Variants in WDR64 observed in about 807,000 individuals in gnomAD.
The protein encoded by WDR64 is WD repeat-containing protein 64.
In WDR64, 112 loss-of-function variants were observed where a neutral mutation model predicts 139.3. That is an observed-to-expected ratio of 0.80 (90% CI 0.69 to 0.94). WDR64 has a LOEUF of 0.94. WDR64 is among the 40% of genes least tolerant of loss of function. The probability of loss-of-function intolerance (pLI) is 0.00; values close to 1 mark genes in which losing one functional copy is unlikely to be tolerated. For missense variants in WDR64, 1,206 were observed against 1,293.1 expected (o/e 0.93, Z 1.03); for synonymous variants, 444 against 437.7 (o/e 1.01, Z -0.18).
In WDR64 at chr1:241,667,144, T is replaced by C. The variant is rs558576104; in HGVS notation, c.277-3930T>C. 2.0e-5 allele frequency among the ~76,000 whole-genome samples: 3 copies of C among 152,370 alleles called. No individual in the cohort carries two copies. In the East Asian group the frequency reaches 5.8e-4, roughly 29 times the overall value. On this transcript the variant is annotated intron_variant, in intron 2 of 27. Transcript: ENST00000437684. ...TAATTTCAAATTAGATGATAGCATGTATGGTGTGGAGTTCTCCCATCTCTG... is the reference window on the plus strand; with the variant it reads ...TAATTTCAAATTAGATGATAGCATGCATGGTGTGGAGTTCTCCCATCTCTG...
At position 241,678,183 on chromosome 1, in the gene WDR64, A is replaced by G. The variant is rs116079887; in HGVS notation, c.484-4A>G. 3.0e-3 allele frequency: 1,183 copies of G among 398,918 alleles called. 8 individuals are homozygous for G. Among genetic ancestry groups the G allele is most frequent in the African/African-American group, 0.022 (1,084 of 48,748 alleles). The allele number at this position is 398,918 out of a possible 1,614,324, so 24.7% of individuals were successfully genotyped here. A position where few individuals can be genotyped will look rare whatever the true frequency, so the allele number is the denominator to read the frequency against. ...GTTTCATTATTCTCTTCCTTTGTTCATAGATGAGAGTTCAGACCAGCACCA... is the reference window on the plus strand; with the variant it reads ...GTTTCATTATTCTCTTCCTTTGTTCGTAGATGAGAGTTCAGACCAGCACCA... On this transcript the variant is annotated splice_region_variant and splice_polypyrimidine_tract_variant and intron_variant, in intron 4 of 27. Coordinates refer to ENST00000437684, the MANE Select transcript of WDR64 (RefSeq NM_001367482.1).
Position 241,671,110 on chromosome 1 carries a change from G to T in WDR64, c.313G>T (p.Ala105Ser). The T allele has an allele frequency of 1.3e-6, 2 of 1,550,968 alleles. No homozygotes were observed. The highest frequency in any genetic ancestry group is 1.7e-6 in the Non-Finnish European group (2 of 1,146,756). ...GYFSSEEDPIASQLDEENLVF... is the reference protein window; with the variant it reads ...GYFSSEEDPISSQLDEENLVF... ...CTTCTCCTCTGAAGAAGATCCTATT[G>T]CTTCCCAGTTGGATGAAGAAAATTT... The change falls in exon 3 of 28, where the codon GCT becomes TCT. Residue 105 changes from alanine to serine, a missense_variant. Transcript: ENST00000437684.
chr1:241,778,127 A>G (rs536676516), intron 21 of WDR64, among the ~76,000 whole-genome samples: 1 of 152,194 alleles, frequency 6.6e-6, no homozygotes, highest in African/African-American at 2.4e-5. Flanking sequence ...CTATAACTAT[A>G]ATAATGGATT....
At chr1:241,725,638 C>T (rs538455865) in intron 10 of WDR64, among the ~76,000 whole-genome samples, 12 of 152,232 alleles carry the variant, frequency 7.9e-5, no homozygotes, top group Admixed American at 6.5e-5. Context: ...AAAATGCACC[C>T]GGCACCTGCC....
intron 8 of WDR64, among the ~76,000 whole-genome samples, chr1:241,711,334 G>A (rs921150171): frequency 1.3e-5 from 2 of 152,162 alleles, no homozygotes; most frequent in Non-Finnish European, 2.9e-5. Context: ...TACTGCAGTG[G>A]GAGTGGGAAG....
chr1:241,767,730 C>T (rs1417620016), intron 16 of WDR64, among the ~76,000 whole-genome samples: 3 of 152,096 alleles, frequency 2.0e-5, no homozygotes, highest in African/African-American at 4.8e-5. Flanking sequence ...TTCTTTTAGC[C>T]AGTTTTTGAA....
chr1:241,702,865 G>A (rs1157489332), intron 8 of WDR64, among the ~76,000 whole-genome samples: 2 of 152,148 alleles, frequency 1.3e-5, no homozygotes, highest in Non-Finnish European at 2.9e-5. Context: ...TGCTACAGTG[G>A]CAGAGTTGAG....
intron 3 of WDR64, among the ~76,000 whole-genome samples, chr1:241,673,319 TTAAAG>T (rs1280130826): frequency 5.3e-5 from 8 of 152,074 alleles, no homozygotes; most frequent in Admixed American, 2.6e-4. Context: ...ACCCTAAAAC[TTAAAG>T]TATAGTAATA....
Position 241,768,553 on chromosome 1 carries a change from A to T in WDR64, c.2082-851A>T, listed in dbSNP as rs535596071. Among the ~76,000 whole-genome samples the T allele has an allele frequency of 3.9e-5, 6 of 152,322 alleles. No homozygotes were observed. The East Asian group carries it at 1.2e-3, about 29-fold the overall frequency. On this transcript the variant is annotated intron_variant, in intron 16 of 27. Coordinates refer to ENST00000437684, the MANE Select transcript of WDR64 (RefSeq NM_001367482.1). ...GATTCAGCTCATCTGCACAACAGAAATCTCTTAAAAAATTTGAGTTCAACA... is the reference window on the plus strand; with the variant it reads ...GATTCAGCTCATCTGCACAACAGAATTCTCTTAAAAAATTTGAGTTCAACA...
At chr1:241,759,320 T>C (rs6685969) in intron 15 of WDR64, among the ~76,000 whole-genome samples, 22,910 of 152,162 alleles carry the variant, frequency 0.15, 1,920 homozygotes, top group African/African-American at 0.19. Context: ...TACCACCAAC[T>C]CTATATACAG....
At chr1:241,679,369 T>C in intron 5 of WDR64, 116 bp from the exon 6 acceptor site, 1 of 795,882 alleles carries the variant, frequency 1.3e-6, no homozygotes. Context: ...GCAAGGCTTC[T>C]CTGTAATAAG....
chr1:241,791,589 T>C (rs1659216126), intron 25 of WDR64, among the ~76,000 whole-genome samples: 1 of 151,992 alleles, frequency 6.6e-6, no homozygotes, highest in African/African-American at 2.4e-5. Context: ...GGAGGACCCC[T>C]TGAGCCCAGG....
intron 2 of WDR64, among the ~76,000 whole-genome samples, chr1:241,663,432 C>T (rs72632897): frequency 0.12 from 18,452 of 152,274 alleles, 1,191 homozygotes; most frequent in East Asian, 0.26. Flanking sequence ...AACACTATCC[C>T]TTGGCCACCC....
chr1:241,783,798 T>C (rs1658937589), intron 23 of WDR64, among the ~76,000 whole-genome samples: 1 of 152,182 alleles, frequency 6.6e-6, no homozygotes, highest in Non-Finnish European at 1.5e-5. Context: ...ATTGACTCTG[T>C]GATGGATTTT....
At chr1:241,738,958 G>C (rs1669430866) in intron 11 of WDR64, among the ~76,000 whole-genome samples, 1 of 152,202 alleles carries the variant, frequency 6.6e-6, no homozygotes. Context: ...GCAGGAATAT[G>C]ATCCTATTTT....
At chr1:241,780,116 C>A in intron 22 of WDR64, 54 bp downstream of exon 22, 1 of 1,394,068 alleles carries the variant, frequency 7.2e-7, no homozygotes. Flanking sequence ...ATTTATTGAG[C>A]ATTTCTCTGT....
intron 15 of WDR64, among the ~76,000 whole-genome samples, chr1:241,763,067 C>T (rs907302987): frequency 5.3e-5 from 8 of 152,162 alleles, no homozygotes; most frequent in African/African-American, 1.7e-4. Flanking sequence ...TTCTAGCCTA[C>T]TTCCCTTTTC....
At chr1:241,677,427 T>C in intron 4 of WDR64, 1 of 398,594 alleles carries the variant, frequency 2.5e-6, no homozygotes, top group Non-Finnish European at 4.4e-6. Flanking sequence ...TAGTGATCTC[T>C]CTGATCTACT....
At chr1:241,792,698 C>A (rs1450003486) in intron 25 of WDR64, among the ~76,000 whole-genome samples, 1 of 152,084 alleles carries the variant, frequency 6.6e-6, no homozygotes, top group Non-Finnish European at 1.5e-5. Context: ...TCCATAGGAG[C>A]CCTTCCTCCA....
Sources: gnomAD v4.1 joint callset for allele counts (sites outside exome capture counted in the v4.1 genomes callset) on GRCh38, gnomAD v4.1.1 for gene constraint, MANE v1.5 for transcripts, NCBI Gene and HGNC (gene_info 2026-07-23, HGNC 2026-07-21) for gene names.